CCL25: variants seen among roughly 807,000 people sequenced by gnomAD.
CCL25 encodes the protein C-C motif chemokine ligand 25, also known as C-C motif chemokine 25.
CCL25 carries 14 observed loss-of-function variants against 19.9 expected under a neutral mutation model. The observed-to-expected ratio is 0.70, with a 90% CI of 0.47 to 1.10. The LOEUF is 1.10. Among genes scored for constraint, CCL25 ranks in the 50% least tolerant of loss-of-function variants. The pLI is 0.00. For missense variants in CCL25, 151 were observed against 181.2 expected (o/e 0.83, Z 0.96); for synonymous variants, 68 against 73.2 (o/e 0.93, Z 0.36).
At chr19:8,054,762 CTGTG>C (rs1235833445) in intron 2 of CCL25, among the ~76,000 whole-genome samples, 7 of 151,636 alleles carry the variant, frequency 4.6e-5, no homozygotes, top group Non-Finnish European at 1.0e-4. Context: ...TCTAATTCAT[CTGTG>C]TGTTTCATCT....
intron 4 of CCL25, among the ~76,000 whole-genome samples, chr19:8,056,757 G>A (rs1313935081): frequency 1.3e-5 from 2 of 152,200 alleles, no homozygotes; most frequent in Non-Finnish European, 2.9e-5. Context: ...ATAGCTCACT[G>A]CGGCCTCAAA....
chr19:8,057,142 C>G (rs1187296690), intron 4 of CCL25, among the ~76,000 whole-genome samples: 1 of 151,008 alleles, frequency 6.6e-6, no homozygotes, highest in African/African-American at 2.4e-5. Context: ...CGCCTCAGCC[C>G]CCTAAGTAGC....
chr19:8,061,703 A>G (rs2081318978), intron 5 of CCL25, among the ~76,000 whole-genome samples: 1 of 151,966 alleles, frequency 6.6e-6, no homozygotes, highest in Non-Finnish European at 1.5e-5. Flanking sequence ...ACCAAATATT[A>G]GCACAAAAGG....
chr19:8,060,982 A>ATTTTTT lies in CCL25; in HGVS notation c.446-1220_446-1215dup, dbSNP rs68112327. On this transcript the variant is annotated intron_variant, in intron 5 of 5. Coordinates refer to ENST00000315626, the MANE Select transcript of CCL25 (RefSeq NM_005624.4). ...GGTGTGAGCCACCATGCCCGGCCTA[A>ATTTTTT]TTTTTTTTTTTTTTTTTTTTTGAGA... Among the ~76,000 whole-genome samples, 18 of 95,164 alleles carry ATTTTTT rather than the reference A, an allele frequency of 1.9e-4. 1 individual carries two copies. The highest frequency in any genetic ancestry group is 3.4e-4 in the Non-Finnish European group (17 of 49,822). 62.4% of individuals were successfully genotyped at this position (95,164 alleles called of 152,430 possible).
intron 5 of CCL25, among the ~76,000 whole-genome samples, chr19:8,058,328 ATATAT>A (rs1019029836): frequency 1.7e-4 from 16 of 91,750 alleles, no homozygotes; most frequent in Admixed American, 9.5e-4. Context: ...TAAATATATA[ATATAT>A]AAATATATAT....
chr19:8,052,887 C>T (rs1378269306), intron 1 of CCL25, 65 bp downstream of exon 1: 12 of 539,338 alleles, frequency 2.2e-5, no homozygotes, highest in Non-Finnish European at 3.3e-5. Context: ...CTTGTTCCTA[C>T]TTTATACAAC....
intron 2 of CCL25, among the ~76,000 whole-genome samples, chr19:8,053,984 G>GT (rs2081251185): frequency 6.6e-6 from 1 of 152,184 alleles, no homozygotes; most frequent in Non-Finnish European, 1.5e-5. Context: ...GGCGGCAATA[G>GT]TAACTGTTCC....
In CCL25 at chr19:8,060,119, A is replaced by G. The variant is rs78028783; in HGVS notation, c.446-2099A>G. 8.6e-3 allele frequency among the ~76,000 whole-genome samples: 1,301 copies of G among 151,520 alleles called. 8 individuals carry two copies. The highest frequency in any genetic ancestry group is 0.031 in the Middle Eastern group (9 of 294). On this transcript the variant is annotated intron_variant, in intron 5 of 5. Transcript: ENST00000315626. ...AAATAAATAAATAATAAAAAAATTG[A>G]GCCCAGGAGTTTGAGACCAGCCTGG...
intron 3 of CCL25, 33 bp downstream of exon 3, chr19:8,056,302 G>GGGGGGGGGGGGGGGGGGGGGGCCCCCCC: frequency 6.7e-6 from 4 of 593,246 alleles, no homozygotes; most frequent in Admixed American, 1.9e-5. Flanking sequence ...GGGGGGTGGG[G>GGGGGGGGGGGGGGGGGGGGGGCCCCCCC]TGCACACACA....
At chr19:8,058,589 A>C (rs1272115166) in intron 5 of CCL25, among the ~76,000 whole-genome samples, 4 of 129,290 alleles carry the variant, frequency 3.1e-5, no homozygotes, top group African/African-American at 5.8e-5. Context: ...TAAATATATA[A>C]TATATAAATA....
rs947175965 is a variant in CCL25, at chr19:8,057,074, G to A, written c.325+575G>A. On this transcript the variant is annotated intron_variant, in intron 4 of 5. Coordinates refer to ENST00000315626, the MANE Select transcript of CCL25 (RefSeq NM_005624.4). ...CTTGCTGTGTCATCCAGGCTGGAGT[G>A]CAGTGGCACGATCTCGGCTCACTGC... 3.3e-5 allele frequency among the ~76,000 whole-genome samples: 5 copies of A among 152,258 alleles called. 1 individual carries two copies. Among genetic ancestry groups the A allele is most frequent in the Non-Finnish European group, 5.9e-5 (4 of 68,032 alleles).
chr19:8,055,214 G>A lies in CCL25; in HGVS notation c.74-938G>A, dbSNP rs1478877619. ...TGAGGCAGGAGAATCGCTTGAACCC[G>A]GGAGGCAGAGGTTGCAGTGAGCTGA... On this transcript the variant is annotated intron_variant, in intron 2 of 5. Transcript: ENST00000315626. Among the ~76,000 whole-genome samples the A allele has an allele frequency of 9.4e-5, 12 of 127,966 alleles. No homozygotes were observed. The South Asian group carries it at 2.4e-3, about 26-fold the overall frequency. The allele number at this position is 127,966 out of a possible 152,430, so 84.0% of individuals were successfully genotyped here.
chr19:8,059,048 TG>T lies in CCL25; in HGVS notation c.445+1129del, dbSNP rs2081296529. ...AATATATGTAATATATAAACATATA[TG>T]TAATATATAAATATATATAATATAT... On this transcript the variant is annotated intron_variant, in intron 5 of 5. Transcript: ENST00000315626. 2.6e-5 allele frequency among the ~76,000 whole-genome samples: 3 copies of T among 117,470 alleles called. No homozygotes were observed. In the South Asian group the frequency reaches 7.0e-4, roughly 28 times the overall value. 77.1% of individuals were successfully genotyped at this position (117,470 alleles called of 152,430 possible). A position where few individuals can be genotyped will look rare whatever the true frequency, so the allele number is the denominator to read the frequency against.
intron 5 of CCL25, among the ~76,000 whole-genome samples, chr19:8,061,412 T>TG (rs34275511): frequency 0.19 from 29,604 of 152,190 alleles, 3,401 homozygotes; most frequent in Middle Eastern, 0.31. Context: ...CCCAAAGTTC[T>TG]GGGATGACAG....
At chr19:8,056,102 C>G (rs939592356) in intron 2 of CCL25, 50 bp from the exon 3 acceptor site, 1 of 1,306,008 alleles carries the variant, frequency 7.7e-7, no homozygotes, top group Non-Finnish European at 1.1e-6. Flanking sequence ...GCTGGCCCTG[C>G]CAAGTTAACA....
chr19:8,057,997 C>A, intron 5 of CCL25, 77 bp downstream of exon 5: 4 of 1,551,610 alleles, frequency 2.6e-6, no homozygotes, highest in African/African-American at 1.4e-5. Flanking sequence ...TTGGCTCACA[C>A]TGGGACAGGA....
At chr19:8,060,580 G>A (rs1338009150) in intron 5 of CCL25, among the ~76,000 whole-genome samples, 1 of 151,530 alleles carries the variant, frequency 6.6e-6, no homozygotes, top group Non-Finnish European at 1.5e-5. Flanking sequence ...GTGCAGTGGC[G>A]CAATTGTAGC....
chr19:8,062,425 T>A lies in CCL25; in HGVS notation c.*200T>A, dbSNP rs138741354. The A allele has an allele frequency of 2.2e-4, 129 of 595,342 alleles. No homozygotes were observed. The highest frequency in any genetic ancestry group is 2.0e-3 in the African/African-American group (108 of 53,806). 36.9% of individuals were successfully genotyped at this position (595,342 alleles called of 1,614,324 possible). A position where few individuals can be genotyped will look rare whatever the true frequency, so the allele number is the denominator to read the frequency against. ...CTGGAAAGAGGGAGTTGGCCTGATT[T>A]TAAGCCTTTTGCCGCTCCGGGGACC... is the stretch of plus-strand genomic sequence containing the variant. On this transcript the variant is annotated 3_prime_UTR_variant, in exon 6 of 6. Coordinates refer to ENST00000315626, the MANE Select transcript of CCL25 (RefSeq NM_005624.4).
At chr19:8,054,581 G>C (rs1217517311) in intron 2 of CCL25, among the ~76,000 whole-genome samples, 1 of 152,064 alleles carries the variant, frequency 6.6e-6, no homozygotes, top group Non-Finnish European at 1.5e-5. Flanking sequence ...TTGCACCCCA[G>C]CTTCCTCCAC....
Sources: allele counts gnomAD v4.1 joint callset (sites outside exome capture counted in the v4.1 genomes callset), GRCh38; gene constraint gnomAD v4.1.1; transcripts MANE v1.5; gene names NCBI Gene and HGNC (gene_info 2026-07-23, HGNC 2026-07-21).